Variants in AARS1 observed in about 807,000 individuals in gnomAD.
The protein encoded by AARS1 is alanine--tRNA ligase, cytoplasmic.
Under a neutral mutation model 108.9 loss-of-function variants are expected in AARS1, and 72 were observed. The ratio of observed to expected loss-of-function variants is 0.66; its 90% confidence interval spans 0.55 to 0.80. The LOEUF (loss-of-function observed/expected upper bound fraction) is 0.80. Ranked by LOEUF, AARS1 falls within the 30% of genes least tolerant of loss-of-function variation. The probability of loss-of-function intolerance (pLI) is 0.00; values close to 1 mark genes in which losing one functional copy is unlikely to be tolerated. For synonymous variants in AARS1, 489 were observed against 465.7 expected, an observed-to-expected ratio of 1.05 and a Z score of -0.64; for missense variants, 1,193 against 1,233.2, an observed-to-expected ratio of 0.97 and a Z score of 0.49.
Position 70,265,655 on chromosome 16 carries a change from A to G in AARS1, c.1230T>C (p.Thr410=), listed in dbSNP as rs748544878. ...CATAGGTGTCATAGAGGAGCCAAGC[A>G]GTGTCTCCTACACAGCACAAAGGAG... The part of the protein sequence containing the change: ...LGDSKTIPGD[T]AWLLYDTYGF... Residue 410 remains threonine (T), a synonymous_variant, in exon 10 of 21, where the codon ACT becomes ACC. Coordinates refer to ENST00000261772, the MANE Select transcript of AARS1 (RefSeq NM_001605.3). The G allele has an allele frequency of 2.5e-6, 4 of 1,613,654 alleles. No individual in the cohort carries two copies. The highest frequency in any genetic ancestry group is 3.4e-6 in the Non-Finnish European group (4 of 1,179,780).
chr16:70,265,240 G>T, intron 10 of AARS1, 138 bp from the exon 11 acceptor site: 1 of 1,167,704 alleles, frequency 8.6e-7, no homozygotes, highest in Non-Finnish European at 1.3e-6. Flanking sequence ...GACATTTGGG[G>T]CCAGATCATT....
chr16:70,255,124 G>A (rs553031633), intron 16 of AARS1, among the ~76,000 whole-genome samples: 8 of 151,624 alleles, frequency 5.3e-5, no homozygotes, highest in Admixed American at 2.6e-4. Flanking sequence ...TGGGGGCCCC[G>A]ATGCCACAGC....
At chr16:70,274,029 A>T (rs558458177) in intron 4 of AARS1, among the ~76,000 whole-genome samples, 1 of 151,676 alleles carries the variant, frequency 6.6e-6, no homozygotes, top group South Asian at 2.1e-4. Context: ...TCTCAAAAAA[A>T]CGAAACAAAA....
chr16:70,288,543 G>A (rs1231786509), intron 1 of AARS1, among the ~76,000 whole-genome samples: 1 of 149,392 alleles, frequency 6.7e-6, no homozygotes, highest in Non-Finnish European at 1.5e-5. Context: ...TTCCATCCCA[G>A]CAGCAACGAC....
At position 70,272,080 on chromosome 16, in the gene AARS1, C is replaced by A. The variant is rs1030654987; in HGVS notation, c.480-108G>T. 25 of 944,256 alleles carry A rather than the reference C, an allele frequency of 2.6e-5. No homozygotes were observed. The East Asian group carries it at 6.1e-4, about 23-fold the overall frequency. 58.5% of individuals were successfully genotyped at this position (944,256 alleles called of 1,614,324 possible). A position where few individuals can be genotyped will look rare whatever the true frequency, so the allele number is the denominator to read the frequency against. ...TTAGGATTGGCCGGGCACAGTGGCT[C>A]ATGTTACTGCACTCCAGCCTAGACA... On this transcript the variant is annotated intron_variant, in intron 4 of 20. Transcript: ENST00000261772.
intron 4 of AARS1, among the ~76,000 whole-genome samples, chr16:70,273,441 G>A (rs567127418): frequency 5.3e-5 from 8 of 152,274 alleles, no homozygotes; most frequent in African/African-American, 1.9e-4. Context: ...AAACTGGCTA[G>A]GCACAGTGGC....
Position 70,256,678 on chromosome 16 carries a change from C to G in AARS1, c.2178-842G>C, listed in dbSNP as rs76088863. On this transcript the variant is annotated intron_variant, in intron 15 of 20. Transcript: ENST00000261772. ...ACAGGTAATCAGGCAAAGTGGGACT[C>G]GTTTGAAGGCCCAATTCAGCTGGGC... Among the ~76,000 whole-genome samples, 605 of 152,254 alleles carry G rather than the reference C, an allele frequency of 4.0e-3. 10 individuals are homozygous for G. Among genetic ancestry groups the G allele is most frequent in the African/African-American group, 0.014 (564 of 41,542 alleles).
At chr16:70,257,691 G>A (rs988776885) in intron 15 of AARS1, among the ~76,000 whole-genome samples, 7 of 152,150 alleles carry the variant, frequency 4.6e-5, no homozygotes, top group Admixed American at 6.6e-5. Flanking sequence ...CCCACATCAA[G>A]AGCTCAACAA....
Position 70,282,659 on chromosome 16 carries a change from A to G in AARS1, c.105T>C (p.Asp35=), listed in dbSNP as rs199654875. ...YVHSSATIPL[D]DPTLLFANAG... ...CATTGGCAAAGAGCAAAGTGGGGTC[A>G]TCCAATGGGATGGTGGCAGACGAGT... is the stretch of plus-strand genomic sequence containing the variant. Residue 35 remains aspartate, a synonymous_variant, in exon 2 of 21, where the codon GAT becomes GAC. Transcript: ENST00000261772. 2.5e-6 allele frequency: 4 copies of G among 1,614,228 alleles called. No individual in the cohort carries two copies. The African/African-American group carries it at 5.3e-5, about 22-fold the overall frequency.
intron 1 of AARS1, among the ~76,000 whole-genome samples, chr16:70,289,030 G>A (rs1209591656): frequency 6.6e-6 from 1 of 152,096 alleles, no homozygotes; most frequent in Non-Finnish European, 1.5e-5. Context: ...TAAGATGACG[G>A]TCTCGGTGCG....
chr16:70,266,008 C>T (rs192662624), intron 9 of AARS1, among the ~76,000 whole-genome samples: 36 of 151,642 alleles, frequency 2.4e-4, no homozygotes, highest in Non-Finnish European at 3.7e-4. Context: ...GAAACCCCGT[C>T]TCTAGGAAAA....
intron 15 of AARS1, among the ~76,000 whole-genome samples, chr16:70,256,373 T>C (rs900331376): frequency 2.0e-5 from 3 of 152,138 alleles, no homozygotes; most frequent in Admixed American, 6.6e-5. Flanking sequence ...GGTGTGATCT[T>C]GGCTCACCAC....
chr16:70,284,953 C>T (rs1023440556), intron 1 of AARS1, among the ~76,000 whole-genome samples: 3 of 152,032 alleles, frequency 2.0e-5, no homozygotes, highest in Admixed American at 1.3e-4. Context: ...CGTTACGCCA[C>T]GTGCGGTGGC....
Position 70,265,792 on chromosome 16 carries a change from C to A in AARS1, c.1223-130G>T, listed in dbSNP as rs773664342. On this transcript the variant is annotated intron_variant, in intron 9 of 20. Coordinates refer to ENST00000261772, the MANE Select transcript of AARS1 (RefSeq NM_001605.3). ...GGCTATCAGTATCGGCCCTGTGTGC[C>A]CATCAGAAAATCCAGCACATCTTTT... 3.5e-5 allele frequency: 32 copies of A among 912,114 alleles called. No homozygotes were observed. The highest frequency in any genetic ancestry group is 7.6e-5 in the South Asian group (4 of 52,432). The allele number at this position is 912,114 out of a possible 1,614,324, so 56.5% of individuals were successfully genotyped here.
intron 2 of AARS1, among the ~76,000 whole-genome samples, chr16:70,281,951 A>C (rs1189435427): frequency 6.6e-6 from 1 of 152,028 alleles, no homozygotes. Flanking sequence ...GGAGATTGAG[A>C]CCATCCTGGC....
At chr16:70,263,887 C>T (rs1327075961) in intron 11 of AARS1, among the ~76,000 whole-genome samples, 1 of 152,080 alleles carries the variant, frequency 6.6e-6, no homozygotes, top group African/African-American at 2.4e-5. Flanking sequence ...TCAGCCCACC[C>T]TGGCATCCCG....
rs927224585 is a variant in AARS1, at chr16:70,276,360, C to T, written c.479+126G>A. On this transcript the variant is annotated intron_variant, in intron 4 of 20. Coordinates refer to ENST00000261772, the MANE Select transcript of AARS1 (RefSeq NM_001605.3). Reference sequence around the variant, plus strand: ...AGCGATTCTCTAGCCTCACTCCTCCCCATGTGCATCTCAAAAGGAACCCTG... The same window carrying T: ...AGCGATTCTCTAGCCTCACTCCTCCTCATGTGCATCTCAAAAGGAACCCTG... 6.4e-6 allele frequency: 7 copies of T among 1,087,654 alleles called. No homozygotes were observed. The South Asian group carries it at 9.0e-5, about 14-fold the overall frequency. The allele number at this position is 1,087,654 out of a possible 1,614,324, so 67.4% of individuals were successfully genotyped here.
intron 2 of AARS1, among the ~76,000 whole-genome samples, chr16:70,277,564 C>T (rs1960579068): frequency 6.6e-6 from 1 of 152,118 alleles, no homozygotes. Flanking sequence ...GAAAAAAAAA[C>T]TGACACATAT....
Position 70,258,229 on chromosome 16 carries a change from AG to A in AARS1, c.1993-13del, listed in dbSNP as rs1960041469. The A allele has an allele frequency of 6.3e-7, 1 of 1,578,048 alleles. No homozygotes were observed. Among genetic ancestry groups the A allele is most frequent in the African/African-American group, 1.4e-5 (1 of 74,064 alleles). On this transcript the variant is annotated splice_polypyrimidine_tract_variant and intron_variant, in intron 14 of 20. Coordinates refer to ENST00000261772, the MANE Select transcript of AARS1 (RefSeq NM_001605.3). Reference sequence around the variant, plus strand: ...TGGGTATAGACGGCCTGCCAGACCAAGAAGACAGAAAAGAGCTGGAAGAGAT... The same window carrying A: ...TGGGTATAGACGGCCTGCCAGACCAAAAGACAGAAAAGAGCTGGAAGAGAT...
Sources: allele counts gnomAD v4.1 joint callset (sites outside exome capture counted in the v4.1 genomes callset), GRCh38; gene constraint gnomAD v4.1.1; transcripts MANE v1.5; gene names NCBI Gene and HGNC (gene_info 2026-07-23, HGNC 2026-07-21).